ZNF816: variants seen among roughly 807,000 people sequenced by gnomAD.
ZNF816 encodes the protein zinc finger protein 816A.
In ZNF816, 11 loss-of-function variants were observed where a neutral mutation model predicts 8.3. The observed-to-expected ratio is 1.32, with a 90% CI of 0.83 to 2.19. ZNF816 has a LOEUF of 2.19. Ranked by LOEUF, ZNF816 falls within the 30% of genes most tolerant of loss-of-function variation. ZNF816 has a pLI of 0.00. For synonymous variants in ZNF816, 255 were observed against 254.5 expected, an observed-to-expected ratio of 1.00 and a Z score of -0.02; for missense variants, 710 against 779.3, an observed-to-expected ratio of 0.91 and a Z score of 1.06.
intron 2 of ZNF816, among the ~76,000 whole-genome samples, chr19:52,953,600 ATAATATG>A (rs1350857062): frequency 2.3e-5 from 1 of 43,958 alleles, no homozygotes; most frequent in African/African-American, 6.0e-4. Context: ...AATATTATAT[ATAATATG>A]TATTTATAAA....
rs1178479255 is a variant in ZNF816, at chr19:52,950,314, G to A, written c.1461C>T (p.Gly487=). The change falls in exon 4 of 4, where the codon GGC becomes GGT. Residue 487 remains glycine (G), a synonymous_variant. Coordinates refer to ENST00000444460, the MANE Select transcript of ZNF816 (RefSeq NM_001202457.3). ...GEKPYTCNEC[G]KVFSRRENLA... is the part of the protein sequence containing the mutation. The stretch of plus-strand genomic sequence containing the variant: ...GGTTTTCTCTTCGACTAAAAACCTT[G>A]CCACATTCATTACATGTGTAAGGTT... 6.2e-7 allele frequency: 1 copy of A among 1,613,782 alleles called. No individual in the cohort carries two copies. Among genetic ancestry groups the A allele is most frequent in the South Asian group, 1.1e-5 (1 of 91,056 alleles).
At chr19:52,951,932 T>C (rs2083463934) in intron 3 of ZNF816, 1 of 411,900 alleles carries the variant, frequency 2.4e-6, no homozygotes, top group Non-Finnish European at 4.3e-6. Context: ...GAGCCTCATA[T>C]ATATGAGGCA....
rs1242879537 is a variant in ZNF816, at chr19:52,951,189, A to C, written c.586T>G (p.Ser196Ala). ...GAAATATGAGTTTTGAGCCTACAAG[A>C]AATTCTTTGGGATTCTGAAGCTGAG... ...ASSASESQRI[S>A]CRLKTHISNK... The change falls in exon 4 of 4, where the codon TCT becomes GCT. Residue 196 changes from serine (S) to alanine (A), a missense_variant. By Grantham distance (99) the Ser-to-Ala change is moderately conservative. Coordinates refer to ENST00000444460, the MANE Select transcript of ZNF816 (RefSeq NM_001202457.3). 2.5e-6 allele frequency: 4 copies of C among 1,608,424 alleles called. No homozygotes were observed. The East Asian group carries it at 8.9e-5, about 36-fold the overall frequency.
In ZNF816 at chr19:52,950,322, C is replaced by T. The variant is rs1280032734; in HGVS notation, c.1453G>A (p.Glu485Lys). 5 of 1,613,738 alleles carry T rather than the reference C, an allele frequency of 3.1e-6. No individual in the cohort carries two copies. In the African/African-American group the frequency reaches 5.3e-5, roughly 17 times the overall value. The change falls in exon 4 of 4, where the codon GAA becomes AAA. Residue 485 changes from glutamate (E) to lysine (K), a missense_variant. Glu to Lys is a moderately conservative substitution (Grantham distance 56). Coordinates refer to ENST00000444460, the MANE Select transcript of ZNF816 (RefSeq NM_001202457.3). ...CTTCGACTAAAAACCTTGCCACATT[C>T]ATTACATGTGTAAGGTTTCTCTCCA... ...HTGEKPYTCN[E>K]CGKVFSRREN...
chr19:52,952,449 G>A (rs943372115), intron 3 of ZNF816: 32 of 458,274 alleles, frequency 7.0e-5, no homozygotes, highest in Non-Finnish European at 9.1e-5. Flanking sequence ...TTTCTATCTC[G>A]TATCCTGGGC....
At chr19:52,960,707 C>T (rs1287339694) in intron 1 of ZNF816, among the ~76,000 whole-genome samples, 1 of 152,156 alleles carries the variant, frequency 6.6e-6, no homozygotes, top group African/African-American at 2.4e-5. Context: ...CCTGTGTGCC[C>T]CCACTGGAAA....
intron 2 of ZNF816, 77 bp downstream of exon 2, chr19:52,955,950 G>A: frequency 6.5e-7 from 1 of 1,543,932 alleles, no homozygotes; most frequent in South Asian, 1.2e-5. Flanking sequence ...TTCACACTCA[G>A]AGAAGATTGG....
Position 52,950,136 on chromosome 19 carries a change from G to A in ZNF816, c.1639C>T (p.Arg547Trp), listed in dbSNP as rs139537348. The change falls in exon 4 of 4, where the codon CGG becomes TGG. Residue 547 changes from arginine (R) to tryptophan (W), a missense_variant. Arg to Trp is a moderately radical substitution (Grantham distance 101). Transcript: ENST00000444460. ...YKCKVCDKAF[R>W]SDSCLANHTR... ...TGGTTTGCAAGGCATGAATCACTCC[G>A]GAAAGCCTTGTCACAAACCTTACAT... 3.0e-5 allele frequency: 48 copies of A among 1,613,658 alleles called. No homozygotes were observed. Among genetic ancestry groups the A allele is most frequent in the East Asian group, 8.9e-5 (4 of 44,850 alleles).
intron 2 of ZNF816, 139 bp from the exon 3 acceptor site, chr19:52,953,016 C>G: frequency 7.1e-7 from 1 of 1,415,152 alleles, no homozygotes; most frequent in Non-Finnish European, 9.3e-7. Context: ...TATTTTTGAA[C>G]AATTTTTCAG....
rs2083479528 is a variant in ZNF816 at position 52,953,507 on chromosome 19, T to TATATATAA, written c.64-638_64-631dup. 1.9e-4 allele frequency: 10 copies of TATATATAA among 52,318 alleles called. No homozygotes were observed. The African/African-American group carries it at 2.7e-3, about 14-fold the overall frequency. 3.2% of individuals were successfully genotyped at this position (52,318 alleles called of 1,614,324 possible). ...TATAATATATATTTTAATATTTAAT[T>TATATATAA]ATATATAATATATATTTATAATATA... is the stretch of plus-strand genomic sequence containing the variant. On this transcript the variant is annotated intron_variant, in intron 2 of 3. Coordinates refer to ENST00000444460, the MANE Select transcript of ZNF816 (RefSeq NM_001202457.3).
rs1568438363 is a variant in ZNF816 at position 52,953,540 on chromosome 19, TAATACA to T, written c.64-669_64-664del. 2.6e-4 allele frequency among the ~76,000 whole-genome samples: 12 copies of T among 45,550 alleles called. 1 individual carries two copies. In the African/African-American group the frequency reaches 5.5e-3, roughly 21 times the overall value. The allele number at this position is 45,550 out of a possible 152,430, so 29.9% of individuals were successfully genotyped here. A position where few individuals can be genotyped will look rare whatever the true frequency, so the allele number is the denominator to read the frequency against. Reference sequence around the variant, plus strand: ...ATATATATTTATAATATATAATATATAATACAATATTATATATAATATGTATTTATA... The same window carrying T: ...ATATATATTTATAATATATAATATATATATTATATATAATATGTATTTATA... On this transcript the variant is annotated intron_variant, in intron 2 of 3. Transcript: ENST00000444460.
chr19:52,952,867 G>C lies in ZNF816; in HGVS notation c.74C>G (p.Thr25Ser). Residue 25 changes from threonine (T) to serine (S), a missense_variant, in exon 3 of 4, where the codon ACT becomes AGT. Physicochemically the swap from Thr to Ser is moderately conservative, Grantham distance 58. Transcript: ENST00000444460. ...PGMALPQGRL[T>S]FRDVAIEFSL... ...GAACTCTATAGCCACATCCCTGAAA[G>C]TCAAGCGTCCCTAAAATAAAAAACA... 3.8e-6 allele frequency: 6 copies of C among 1,598,392 alleles called. No homozygotes were observed. Among genetic ancestry groups the C allele is most frequent in the Non-Finnish European group, 5.1e-6 (6 of 1,175,540 alleles).
intron 2 of ZNF816, 63 bp downstream of exon 2, chr19:52,955,964 C>T: frequency 6.4e-7 from 1 of 1,569,390 alleles, no homozygotes; most frequent in South Asian, 1.2e-5. Flanking sequence ...AGATTGGCTA[C>T]TACAATACCT....
chr19:52,956,845 G>A (rs1206182706), intron 1 of ZNF816, among the ~76,000 whole-genome samples: 1 of 152,214 alleles, frequency 6.6e-6, no homozygotes, highest in Admixed American at 6.5e-5. Flanking sequence ...TAAATAGCCA[G>A]ACGACCTTGG....
chr19:52,953,494 TTTA>T (rs1405201582), intron 2 of ZNF816: 11 of 102,358 alleles, frequency 1.1e-4, no homozygotes, highest in African/African-American at 6.9e-4. Context: ...TAATATATAT[TTTA>T]ATATTTAATT....
In ZNF816 at chr19:52,950,720, C is replaced by T. The variant is rs749374847; in HGVS notation, c.1055G>A (p.Arg352Gln). The change falls in exon 4 of 4, where the codon CGA becomes CAA. Residue 352 changes from arginine to glutamine, a missense_variant. Arg to Gln is a conservative substitution (Grantham distance 43). Coordinates refer to ENST00000444460, the MANE Select transcript of ZNF816 (RefSeq NM_001202457.3). ...CTTATGAATTACAAGGGCTGAATTTCGACCAAAAGTCTTGCCACACTCATT... is the reference window on the plus strand; with the variant it reads ...CTTATGAATTACAAGGGCTGAATTTTGACCAAAAGTCTTGCCACACTCATT... ...KCNECGKTFG[R>Q]NSALVIHKAI... 6 of 1,610,776 alleles carry T rather than the reference C, an allele frequency of 3.7e-6. No individual in the cohort carries two copies. Among genetic ancestry groups the T allele is most frequent in the African/African-American group, 1.4e-5 (1 of 73,754 alleles).
At position 52,962,749 on chromosome 19, in the gene ZNF816, G is replaced by A. The variant is rs1393100030; in HGVS notation, c.-38C>T. ...CACCCGGACGTTTCAATTTGCTCTG[G>A]GTTGAGAAAAGAGGGGCCGGAACCT... On this transcript the variant is annotated 5_prime_UTR_variant, in exon 1 of 4. Transcript: ENST00000444460. The A allele has an allele frequency of 1.3e-5, 2 of 152,302 alleles. No individual in the cohort carries two copies. The highest frequency in any genetic ancestry group is 2.4e-5 in the African/African-American group (1 of 41,456). 9.4% of individuals were successfully genotyped at this position (152,302 alleles called of 1,614,324 possible). A position where few individuals can be genotyped will look rare whatever the true frequency, so the allele number is the denominator to read the frequency against.
intron 1 of ZNF816, chr19:52,960,069 A>G (rs2083543186): frequency 6.4e-6 from 1 of 157,468 alleles, no homozygotes; most frequent in African/African-American, 2.4e-5. Context: ...CTGGAGGTGC[A>G]TGAAACCACC....
rs1221697516 is a variant in ZNF816, at chr19:52,949,688, T to G, written c.*131A>C. 27 of 1,373,412 alleles carry G rather than the reference T, an allele frequency of 2.0e-5. No individual in the cohort carries two copies. The highest frequency in any genetic ancestry group is 1.4e-5 in the Non-Finnish European group (14 of 969,360). 85.1% of individuals were successfully genotyped at this position (1,373,412 alleles called of 1,614,324 possible). On this transcript the variant is annotated 3_prime_UTR_variant, in exon 4 of 4. Coordinates refer to ENST00000444460, the MANE Select transcript of ZNF816 (RefSeq NM_001202457.3). ...AGGTTTCTCTCCAGTATGAGTTCAC[T>G]GATGAACTACAAGTTATGAATGACG...
Sources: allele counts gnomAD v4.1 joint callset (sites outside exome capture counted in the v4.1 genomes callset), GRCh38; gene constraint gnomAD v4.1.1; transcripts MANE v1.5; gene names NCBI Gene and HGNC (gene_info 2026-07-23, HGNC 2026-07-21).